GADL1: variants seen among roughly 807,000 people sequenced by gnomAD.
GADL1 encodes GAD like acidic amino acid decarboxylase 1, also known as acidic amino acid decarboxylase GADL1.
Under a neutral mutation model 69.5 loss-of-function variants are expected in GADL1, and 71 were observed. That is an observed-to-expected ratio of 1.02 (90% CI 0.84 to 1.25). The LOEUF is 1.25. Among genes scored for constraint, GADL1 ranks in the 50% most tolerant of loss-of-function variants. The pLI, the probability that GADL1 is intolerant of heterozygous loss-of-function variation, is 0.00. For synonymous variants in GADL1, 254 were observed against 214.4 expected, an observed-to-expected ratio of 1.18 and a Z score of -1.62; for missense variants, 737 against 631.8, an observed-to-expected ratio of 1.17 and a Z score of -1.79.
chr3:30,828,574 A>G (rs542825270), intron 11 of GADL1, among the ~76,000 whole-genome samples: 1 of 151,814 alleles, frequency 6.6e-6, no homozygotes, highest in Non-Finnish European at 1.5e-5. Flanking sequence ...CCAAGCCCTC[A>G]CATTTAAAAC....
At chr3:30,763,718 C>T (rs992162043) in intron 14 of GADL1, among the ~76,000 whole-genome samples, 2 of 152,130 alleles carry the variant, frequency 1.3e-5, no homozygotes, top group Admixed American at 6.5e-5. Context: ...AACAGTTTCT[C>T]ACATTGTAAA....
chr3:30,856,428 C>T (rs1698232090), intron 3 of GADL1, among the ~76,000 whole-genome samples: 1 of 152,058 alleles, frequency 6.6e-6, no homozygotes, highest in Non-Finnish European at 1.5e-5. Flanking sequence ...GTAGTTATGA[C>T]ATCACTGTGA....
chr3:30,739,118 A>C (rs1001440827), intron 14 of GADL1, among the ~76,000 whole-genome samples: 1 of 152,194 alleles, frequency 6.6e-6, no homozygotes, highest in African/African-American at 2.4e-5. Context: ...TAGAACCTGC[A>C]TATCAGGCTT....
intron 1 of GADL1, among the ~76,000 whole-genome samples, chr3:30,878,692 G>A (rs1013180220): frequency 4.6e-5 from 7 of 151,854 alleles, no homozygotes; most frequent in African/African-American, 1.7e-4. Context: ...GACAGTGCCA[G>A]TGGCAGTGGC....
At chr3:30,846,312 A>C (rs1422946002) in intron 6 of GADL1, among the ~76,000 whole-genome samples, 2 of 152,210 alleles carry the variant, frequency 1.3e-5, no homozygotes, top group Non-Finnish European at 2.9e-5. Flanking sequence ...TCATAAATCT[A>C]CAGAAGACGA....
chr3:30,877,365 T>C (rs1224413473), intron 1 of GADL1, among the ~76,000 whole-genome samples: 1 of 151,934 alleles, frequency 6.6e-6, no homozygotes, highest in Non-Finnish European at 1.5e-5. Flanking sequence ...ATCAAACTTA[T>C]GTTCCGCAAT....
intron 14 of GADL1, among the ~76,000 whole-genome samples, chr3:30,755,646 T>C (rs1488538964): frequency 6.6e-6 from 1 of 152,184 alleles, no homozygotes; most frequent in Admixed American, 6.6e-5. Context: ...AGTGTTTAAA[T>C]GTCTGAATCC....
chr3:30,887,631 T>C (rs1698726640), intron 1 of GADL1, among the ~76,000 whole-genome samples: 1 of 152,144 alleles, frequency 6.6e-6, no homozygotes. Flanking sequence ...TATTTTGTTA[T>C]AAGCAAGAGA....
At chr3:30,817,682 A>C (rs1455852070) in intron 11 of GADL1, among the ~76,000 whole-genome samples, 7 of 152,228 alleles carry the variant, frequency 4.6e-5, no homozygotes. Flanking sequence ...TTGAATATTG[A>C]AATGGCACAA....
chr3:30,852,418 A>G (rs1698161978), intron 4 of GADL1, among the ~76,000 whole-genome samples: 1 of 152,092 alleles, frequency 6.6e-6, no homozygotes, highest in African/African-American at 2.4e-5. Flanking sequence ...AGACTGAGGC[A>G]GAGAATTACT....
chr3:30,758,527 CAT>C (rs386419783), intron 14 of GADL1, among the ~76,000 whole-genome samples: 2,358 of 150,618 alleles, frequency 0.016, 56 homozygotes, highest in African/African-American at 0.054. Flanking sequence ...GTAACTACCT[CAT>C]AGAGGGTGGT....
intron 14 of GADL1, among the ~76,000 whole-genome samples, chr3:30,768,693 C>CTG (rs1696346469): frequency 6.6e-6 from 1 of 151,954 alleles, no homozygotes; most frequent in South Asian, 2.1e-4. Flanking sequence ...GTGACTTCCT[C>CTG]TGAGATAAAG....
chr3:30,819,201 G>A (rs908573496), intron 11 of GADL1, among the ~76,000 whole-genome samples: 3 of 123,500 alleles, frequency 2.4e-5, no homozygotes, highest in African/African-American at 1.3e-4. Flanking sequence ...GGTGCCCCGG[G>A]TTTACACTTA....
chr3:30,826,998 T>C (rs1412432696), intron 11 of GADL1, among the ~76,000 whole-genome samples: 2 of 151,834 alleles, frequency 1.3e-5, no homozygotes, highest in Non-Finnish European at 2.9e-5. Flanking sequence ...ACAATTTCCA[T>C]ACCCCTTCAA....
intron 1 of GADL1, among the ~76,000 whole-genome samples, chr3:30,888,573 C>A (rs1355032922): frequency 1.3e-5 from 2 of 152,050 alleles, no homozygotes; most frequent in East Asian, 3.9e-4. Context: ...CCATTCCATA[C>A]CTATTATCCC....
At chr3:30,803,872 A>G (rs1462303850) in intron 11 of GADL1, among the ~76,000 whole-genome samples, 1 of 152,226 alleles carries the variant, frequency 6.6e-6, no homozygotes, top group African/African-American at 2.4e-5. Context: ...GTATAGTAAA[A>G]CGTAACATTG....
intron 14 of GADL1, among the ~76,000 whole-genome samples, chr3:30,755,892 A>G (rs1403733885): frequency 6.6e-6 from 1 of 152,070 alleles, no homozygotes; most frequent in East Asian, 1.9e-4. Flanking sequence ...GTCAGCTTTA[A>G]ATGGCTGGTT....
At chr3:30,761,386 AAAC>A (rs1696127146) in intron 14 of GADL1, among the ~76,000 whole-genome samples, 1 of 152,180 alleles carries the variant, frequency 6.6e-6, no homozygotes, top group Non-Finnish European at 1.5e-5. Context: ...CTTATTGACA[AAAC>A]AAGTAGCCAA....
intron 14 of GADL1, among the ~76,000 whole-genome samples, chr3:30,766,216 T>C (rs1696272316): frequency 6.6e-6 from 1 of 152,052 alleles, no homozygotes; most frequent in South Asian, 2.1e-4. Flanking sequence ...GAAGAGGTGG[T>C]AGAATATAGG....
Sources: gnomAD v4.1 joint callset for allele counts (sites outside exome capture counted in the v4.1 genomes callset) on GRCh38, gnomAD v4.1.1 for gene constraint, MANE v1.5 for transcripts, NCBI Gene and HGNC (gene_info 2026-07-23, HGNC 2026-07-21) for gene names.